Variants in HNRNPL observed in about 807,000 individuals in gnomAD.
HNRNPL encodes heterogeneous nuclear ribonucleoprotein L.
In HNRNPL, 12 loss-of-function variants were observed where a neutral mutation model predicts 64.0. The ratio of observed to expected loss-of-function variants is 0.19; its 90% CI spans 0.12 to 0.30. The LOEUF is 0.30. Ranked by LOEUF, HNRNPL falls within the 10% of genes least tolerant of loss-of-function variation. HNRNPL has a pLI of 1.00. For synonymous variants in HNRNPL, 385 were observed against 313.0 expected (o/e 1.23, Z -2.43); for missense variants, 484 against 797.4 (o/e 0.61, Z 4.73).
chr19:38,841,777 T>A, intron 6 of HNRNPL: 1 of 518,522 alleles, frequency 1.9e-6, no homozygotes, highest in South Asian at 1.6e-5. Context: ...ATATTTTGAT[T>A]AAATCAAAAA....
At chr19:38,843,987 T>C (rs762665336) in intron 5 of HNRNPL, 21 bp downstream of exon 5, 1 of 1,606,654 alleles carries the variant, frequency 6.2e-7, no homozygotes, top group South Asian at 1.1e-5. Flanking sequence ...CAAGGGGCAG[T>C]CAGTCACCTC....
At position 38,847,381 on chromosome 19, in the gene HNRNPL, C is replaced by T. The variant is rs1972333944; in HGVS notation, c.321G>A (p.Arg107=). 1.3e-6 allele frequency: 2 copies of T among 1,570,532 alleles called. No individual in the cohort carries two copies. Among genetic ancestry groups the T allele is most frequent in the Non-Finnish European group, 1.7e-6 (2 of 1,156,886 alleles). ...CTTCCACCACACCGTCAATCAGGCCCCTGATGTGGACAACTGGGGAGGCAG... is the reference window on the plus strand; with the variant it reads ...CTTCCACCACACCGTCAATCAGGCCTCTGATGTGGACAACTGGGGAGGCAG... The part of the protein sequence containing the change: ...KTPASPVVHI[R]GLIDGVVEAD... Residue 107 remains arginine (R), a synonymous_variant, in exon 2 of 13, where the codon AGG becomes AGA. Coordinates refer to ENST00000221419, the MANE Select transcript of HNRNPL (RefSeq NM_001533.3).
chr19:38,850,446 ATTC>A (rs1972472647), upstream of HNRNPL: 2 of 156,528 alleles, frequency 1.3e-5, no homozygotes, highest in African/African-American at 2.4e-5. Context: ...ACAGATGCCC[ATTC>A]TTCTGCGTCT....
In HNRNPL at chr19:38,837,464, G is replaced by A. The variant is rs2145404800; in HGVS notation, c.1631C>T (p.Ser544Phe). 1 of 1,614,222 alleles carries A rather than the reference G, an allele frequency of 6.2e-7. No homozygotes were observed. The highest frequency in any genetic ancestry group is 8.5e-7 in the Non-Finnish European group (1 of 1,180,028). ...CTTGGATTCCCACTCCAGCAGTCCA[G>A]AGGAGCTGCGCTCACCTGATTGCAA... is the stretch of plus-strand genomic sequence containing the variant. Reference protein sequence around the residue: ...VFSGKSERSSSGLLEWESKSD... With the variant: ...VFSGKSERSSFGLLEWESKSD... The change falls in exon 12 of 13, where the codon TCT becomes TTT. Residue 544 changes from serine (S) to phenylalanine (F), a missense_variant. Ser to Phe is a radical substitution (Grantham distance 155, BLOSUM62 -2). Around this residue, in one of 9 missense-constraint regions of HNRNPL, gnomAD observed 69 missense variants for 91.8 expected, o/e 0.75. Coordinates refer to ENST00000221419, the MANE Select transcript of HNRNPL (RefSeq NM_001533.3).
At chr19:38,839,203 C>T (rs1056840353) in intron 8 of HNRNPL, 188 bp from the exon 9 acceptor site, 7 of 636,058 alleles carry the variant, frequency 1.1e-5, no homozygotes, top group African/African-American at 5.5e-5. Context: ...GAGCCTGGGC[C>T]ATGTTTTTAA....
intron 6 of HNRNPL, chr19:38,841,717 T>C: frequency 1.0e-6 from 1 of 956,794 alleles, no homozygotes; most frequent in Non-Finnish European, 1.5e-6. Context: ...TAAATACAAG[T>C]CACGGTACAC....
At chr19:38,844,355 A>T (rs1972215786) in intron 4 of HNRNPL, among the ~76,000 whole-genome samples, 1 of 152,162 alleles carries the variant, frequency 6.6e-6, no homozygotes, top group Admixed American at 6.5e-5. Flanking sequence ...CATGGCCACC[A>T]GCAACCTCTT....
intron 6 of HNRNPL, among the ~76,000 whole-genome samples, chr19:38,842,908 T>C (rs191830258): frequency 3.3e-5 from 5 of 152,330 alleles, no homozygotes; most frequent in East Asian, 1.9e-4. Context: ...TGTAATGCCA[T>C]TGCCCGCTCT....
intron 10 of HNRNPL, among the ~76,000 whole-genome samples, chr19:38,837,878 T>G (rs1971981737): frequency 6.6e-6 from 1 of 152,254 alleles, no homozygotes; most frequent in South Asian, 2.1e-4. Context: ...CGTTCCCAAC[T>G]TCAACAGCTA....
At chr19:38,841,448 G>T (rs1251176491) in intron 6 of HNRNPL, 2 of 392,598 alleles carry the variant, frequency 5.1e-6, no homozygotes, top group Non-Finnish European at 1.0e-5. Flanking sequence ...TTTGAACCCA[G>T]GTCTGGCTGA....
chr19:38,849,321 A>C (rs1972415487), intron 1 of HNRNPL: 1 of 181,778 alleles, frequency 5.5e-6, no homozygotes. Flanking sequence ...GCGCTCCCCT[A>C]ACCGCCCACG....
upstream of HNRNPL, among the ~76,000 whole-genome samples, chr19:38,850,522 G>A (rs117873552): frequency 1.3e-3 from 203 of 152,294 alleles, no homozygotes; most frequent in Non-Finnish European, 1.9e-3. Context: ...CTGTTGATAC[G>A]CTCTGATTGG....
rs545636185 is a variant in HNRNPL, at chr19:38,840,986, C to G, written c.881-427G>C. ...GAAAATAACCCCAGAGGGAAGCAAG[C>G]AAGTTTGACCCCCAAAGCCCCCAAA... On this transcript the variant is annotated intron_variant, in intron 6 of 12. Coordinates refer to ENST00000221419, the MANE Select transcript of HNRNPL (RefSeq NM_001533.3). 2.0e-5 allele frequency: 4 copies of G among 196,714 alleles called. No homozygotes were observed. In the East Asian group the frequency reaches 7.0e-4, roughly 35 times the overall value. 12.2% of individuals were successfully genotyped at this position (196,714 alleles called of 1,614,324 possible).
chr19:38,850,218 A>C, upstream of HNRNPL: 1 of 401,404 alleles, frequency 2.5e-6, no homozygotes, highest in South Asian at 8.0e-5. Context: ...TTAAAATAAA[A>C]TCCAATTTGA....
Position 38,838,815 on chromosome 19 carries a change from T to C in HNRNPL, c.1355+79A>G, listed in dbSNP as rs1600048042. On this transcript the variant is annotated intron_variant, in intron 9 of 12. Coordinates refer to ENST00000221419, the MANE Select transcript of HNRNPL (RefSeq NM_001533.3). ...GTGTGAGTCAACACCTCGGCCTCAC[T>C]GTGCTCCTCTGCTGGGCCCCATTCC... 5.7e-6 allele frequency: 9 copies of C among 1,584,792 alleles called. No homozygotes were observed. In the South Asian group the frequency reaches 7.8e-5, roughly 14 times the overall value.
rs990482433 is a variant in HNRNPL at position 38,837,413 on chromosome 19, A to G, written c.1682T>C (p.Phe561Ser). 5 of 1,614,080 alleles carry G rather than the reference A, an allele frequency of 3.1e-6. No homozygotes were observed. Among genetic ancestry groups the G allele is most frequent in the Middle Eastern group, 1.6e-4 (1 of 6,074 alleles). ...GTTTTTCATCTGGTAATGGTTCAGG[A>G]AGCCCAGAGTCTCCAGGGCATCGCT... ...SKSDALETLG[F>S]LNHYQMKNPN... Residue 561 changes from phenylalanine (F) to serine (S), a missense_variant, in exon 12 of 13, where the codon TTC becomes TCC. Phe to Ser is a radical substitution (Grantham distance 155). Transcript: ENST00000221419.
chr19:38,843,683 C>T (rs1410547204), intron 6 of HNRNPL, 159 bp downstream of exon 6: 4 of 633,084 alleles, frequency 6.3e-6, no homozygotes, highest in Admixed American at 2.9e-5. Flanking sequence ...CCTCTCACTC[C>T]CCCATCCCAC....
chr19:38,843,469 GAAC>G (rs1285272819), intron 6 of HNRNPL: 1 of 264,522 alleles, frequency 3.8e-6, no homozygotes, highest in Non-Finnish European at 7.4e-6. Context: ...CAACAGCGCA[GAAC>G]AAGAGGACAA....
rs1177822632 is a variant in HNRNPL at position 38,840,574 on chromosome 19, A to C, written c.881-15T>G. ...GCCAGGGTCACCTGTGGAGAGAGAA[A>C]ACAGTTAGGAGTCTCACTCAGAAAT... On this transcript the variant is annotated splice_polypyrimidine_tract_variant and intron_variant, in intron 6 of 12. Coordinates refer to ENST00000221419, the MANE Select transcript of HNRNPL (RefSeq NM_001533.3). The C allele has an allele frequency of 1.3e-6, 2 of 1,566,936 alleles. No individual in the cohort carries two copies. Among genetic ancestry groups the C allele is most frequent in the Non-Finnish European group, 1.7e-6 (2 of 1,155,988 alleles).
Sources: allele counts gnomAD v4.1 joint callset (sites outside exome capture counted in the v4.1 genomes callset), GRCh38; gene constraint gnomAD v4.1.1; regional missense constraint gnomAD v4.1.1; transcripts MANE v1.5; gene names NCBI Gene and HGNC (gene_info 2026-07-23, HGNC 2026-07-21).